The following PBX1 variants were observed in gnomAD, a reference collection of about 807,000 sequenced individuals.
PBX1 encodes the protein pre-B-cell leukemia transcription factor 1.
In PBX1, 6 loss-of-function variants were observed where a neutral mutation model predicts 53.4. The ratio of observed to expected loss-of-function variants is 0.11; its 90% CI spans 0.06 to 0.22. The LOEUF is 0.22. PBX1 is among the 10% of genes least tolerant of loss of function. The probability of loss-of-function intolerance (pLI) is 1.00; values close to 1 mark genes in which losing one functional copy is unlikely to be tolerated. For synonymous variants in PBX1, 204 were observed against 212.3 expected (o/e 0.96, Z 0.34); for missense variants, 251 against 551.4 (o/e 0.46, Z 5.46).
chr1:164,791,917 T>C (rs1388498304), intron 2 of PBX1, among the ~76,000 whole-genome samples: 1 of 151,964 alleles, frequency 6.6e-6, no homozygotes, highest in Non-Finnish European at 1.5e-5. Context: ...CTCCGCCTCC[T>C]GGGTTCAAGG....
chr1:164,757,188 C>G (rs970849070), intron 2 of PBX1, among the ~76,000 whole-genome samples: 1 of 151,796 alleles, frequency 6.6e-6, no homozygotes, highest in Non-Finnish European at 1.5e-5. Context: ...ATAAGGGAGA[C>G]ATATAAAAAA....
intron 2 of PBX1, among the ~76,000 whole-genome samples, chr1:164,588,917 T>C (rs1780333): frequency 6.6e-6 from 1 of 152,178 alleles, no homozygotes; most frequent in Admixed American, 6.5e-5. Flanking sequence ...TTCTGTTGTT[T>C]AAAGAGAATC....
chr1:164,654,973 C>T (rs1345723990), intron 2 of PBX1, among the ~76,000 whole-genome samples: 3 of 152,220 alleles, frequency 2.0e-5, no homozygotes, highest in South Asian at 4.1e-4. Context: ...GGGCTCCTAG[C>T]GTGGCCTTCT....
intron 2 of PBX1, among the ~76,000 whole-genome samples, chr1:164,677,268 A>G (rs565693609): frequency 2.4e-3 from 363 of 150,832 alleles, no homozygotes; most frequent in Non-Finnish European, 4.1e-3. Flanking sequence ...AATTTTTTGT[A>G]TTTTTAGTAG....
intron 2 of PBX1, among the ~76,000 whole-genome samples, chr1:164,862,700 CT>C (rs1672128907): frequency 6.6e-6 from 1 of 152,232 alleles, no homozygotes; most frequent in Admixed American, 6.5e-5. Flanking sequence ...AGGGCTTCAT[CT>C]GCTGCCCCCA....
intron 1 of PBX1, among the ~76,000 whole-genome samples, chr1:164,561,449 A>G (rs772409086): frequency 2.0e-5 from 3 of 152,260 alleles, no homozygotes; most frequent in Non-Finnish European, 4.4e-5. Context: ...GGAAATTTTA[A>G]AAATTAATTG....
intron 2 of PBX1, among the ~76,000 whole-genome samples, chr1:164,685,744 TA>T (rs1451763726): frequency 6.6e-6 from 1 of 152,164 alleles, no homozygotes; most frequent in Non-Finnish European, 1.5e-5. Context: ...AAGTGAGAAT[TA>T]AGTTAATTCC....
chr1:164,846,945 G>A lies in PBX1; in HGVS notation c.*269G>A. ...GGTTTTCGTCATCTTCCCTGCCCCT[G>A]TGCCTCTGTCCTAGACTCCCGGGGT... On this transcript the variant is annotated 3_prime_UTR_variant, in exon 9 of 9. Coordinates refer to ENST00000420696, the MANE Select transcript of PBX1 (RefSeq NM_002585.4). 1 of 1,340,102 alleles carries A rather than the reference G, an allele frequency of 7.5e-7. No homozygotes were observed. Among genetic ancestry groups the A allele is most frequent in the Non-Finnish European group, 9.6e-7 (1 of 1,042,164 alleles). 83.0% of individuals were successfully genotyped at this position (1,340,102 alleles called of 1,614,324 possible). A position where few individuals can be genotyped will look rare whatever the true frequency, so the allele number is the denominator to read the frequency against.
intron 6 of PBX1, chr1:164,818,406 CA>C (rs1227561868): frequency 6.6e-6 from 1 of 152,184 alleles, no homozygotes; most frequent in Non-Finnish European, 1.5e-5. Context: ...ATAAGCTAAA[CA>C]GAGAAATGTG....
chr1:164,815,769 A>G (rs768330096), intron 6 of PBX1: 2 of 152,194 alleles, frequency 1.3e-5, no homozygotes, highest in Non-Finnish European at 1.5e-5. Context: ...CCATGATTCA[A>G]TTAAGTTCAC....
intron 8 of PBX1, among the ~76,000 whole-genome samples, chr1:164,838,545 A>G (rs1269807888): frequency 6.6e-6 from 1 of 152,162 alleles, no homozygotes; most frequent in Non-Finnish European, 1.5e-5. Context: ...TGAGCATCCA[A>G]AGTAGCTGTG....
intron 2 of PBX1, among the ~76,000 whole-genome samples, chr1:164,690,429 C>T (rs569641028): frequency 3.9e-5 from 6 of 152,216 alleles, no homozygotes; most frequent in Non-Finnish European, 7.4e-5. Context: ...TGTGAAGCAA[C>T]GGCTGCATGT....
chr1:164,835,983 T>A lies in PBX1; in HGVS notation c.1201-10601T>A, dbSNP rs138675328. ...TTTTCTAAAAGAACCTAGAGATATG[T>A]TAGTGGAAAGTTTAGGGGGAGATCT... On this transcript the variant is annotated intron_variant, in intron 8 of 8. Transcript: ENST00000420696. Among the ~76,000 whole-genome samples the A allele has an allele frequency of 3.6e-3, 549 of 152,254 alleles. 3 individuals are homozygous for A. Among genetic ancestry groups the A allele is most frequent in the Middle Eastern group, 3.4e-3 (1 of 294 alleles).
intron 2 of PBX1, among the ~76,000 whole-genome samples, chr1:164,755,669 A>G (rs1185813272): frequency 6.6e-6 from 1 of 152,106 alleles, no homozygotes; most frequent in African/African-American, 2.4e-5. Flanking sequence ...AACAAAAGAC[A>G]GTGTCCCCAA....
intron 1 of PBX1, chr1:164,560,389 C>G (rs1169729974): frequency 2.5e-6 from 1 of 395,044 alleles, no homozygotes. Flanking sequence ...TTTTGAACAG[C>G]ATTCCATGCC....
intron 2 of PBX1, among the ~76,000 whole-genome samples, chr1:164,675,361 A>G (rs888362862): frequency 6.6e-6 from 1 of 152,104 alleles, no homozygotes; most frequent in African/African-American, 2.4e-5. Flanking sequence ...TGCAAAAGTA[A>G]TTGCGGTTTT....
intron 2 of PBX1, among the ~76,000 whole-genome samples, chr1:164,634,390 G>A (rs1317678681): frequency 1.3e-5 from 2 of 152,156 alleles, no homozygotes; most frequent in Non-Finnish European, 2.9e-5. Context: ...TAAGAGCTAT[G>A]GAAAACAAAA....
intron 2 of PBX1, among the ~76,000 whole-genome samples, chr1:164,686,407 G>A (rs921179048): frequency 8.1e-5 from 12 of 147,504 alleles, no homozygotes; most frequent in African/African-American, 2.2e-4. Context: ...AACTTCCATG[G>A]CCCATTTGAT....
downstream of PBX1, among the ~76,000 whole-genome samples, chr1:164,855,118 G>A (rs1558048814): frequency 1.3e-5 from 2 of 151,914 alleles, no homozygotes; most frequent in Non-Finnish European, 2.9e-5. Flanking sequence ...GCTAATGTTT[G>A]TATTTTCTGT....
Sources: gnomAD v4.1 joint callset for allele counts (sites outside exome capture counted in the v4.1 genomes callset) on GRCh38, gnomAD v4.1.1 for gene constraint, MANE v1.5 for transcripts, NCBI Gene and HGNC (gene_info 2026-07-23, HGNC 2026-07-21) for gene names.